FRAS1: variants seen among roughly 807,000 people sequenced by gnomAD.
FRAS1 encodes Fraser extracellular matrix complex subunit 1, also known as extracellular matrix organizing protein FRAS1.
In FRAS1, 290 loss-of-function variants were observed where a neutral mutation model predicts 435.2. The observed-to-expected ratio is 0.67, with a 90% CI of 0.61 to 0.73. FRAS1 has a LOEUF of 0.73. FRAS1 is among the 30% of genes least tolerant of loss of function. The pLI is 0.00. For synonymous variants in FRAS1, 1,800 were observed against 1,851.0 expected (o/e 0.97, Z 0.71); for missense variants, 4,860 against 5,001.5 (o/e 0.97, Z 0.85).
chr4:78,416,291 G>A (rs980404410), intron 32 of FRAS1, among the ~76,000 whole-genome samples: 5 of 152,118 alleles, frequency 3.3e-5, no homozygotes, highest in African/African-American at 7.2e-5. Context: ...GGTAGAGTGC[G>A]TGATGTGATG....
rs1739510067 is a variant in FRAS1 at position 78,057,347 on chromosome 4, T to C, written c.-663T>C. 6.6e-6 allele frequency among the ~76,000 whole-genome samples: 1 copy of C among 152,078 alleles called. No individual in the cohort carries two copies. Among genetic ancestry groups the C allele is most frequent in the African/African-American group, 2.4e-5 (1 of 41,424 alleles). Reference sequence around the variant, plus strand: ...TCTTTCCTCTGAAGCTTCCGAACAGTCTGCTTCAGGGAGCGCAGCCTGAGG... The same window carrying C: ...TCTTTCCTCTGAAGCTTCCGAACAGCCTGCTTCAGGGAGCGCAGCCTGAGG... On this transcript the variant is annotated 5_prime_UTR_variant, in exon 1 of 74. Coordinates refer to ENST00000512123, the MANE Select transcript of FRAS1 (RefSeq NM_025074.7). This position sits in a 1 kb window ranked among gnomAD's most constrained non-coding sequence, Gnocchi z 4.2.
Position 78,318,856 on chromosome 4 carries a change from C to T in FRAS1, c.2007C>T (p.His669=). 6.2e-7 allele frequency: 1 copy of T among 1,613,560 alleles called. No individual in the cohort carries two copies. The highest frequency in any genetic ancestry group is 2.2e-5 in the East Asian group (1 of 44,886). ...CLACMGPAPS[H]CTGCKKPEEG... is the part of the protein sequence containing the mutation. ...CTTGTATGGGTCCCGCACCCTCTCA[C>T]TGTACTGGGTGTAAGAAGCCAGAGG... Residue 669 remains histidine (H), a synonymous_variant, in exon 18 of 74, where the codon CAC becomes CAT. Transcript: ENST00000512123.
intron 66 of FRAS1, 22 bp downstream of exon 66, chr4:78,516,035 T>A (rs1239387980): frequency 6.3e-7 from 1 of 1,585,872 alleles, no homozygotes; most frequent in African/African-American, 1.3e-5. Context: ...GGGGCTTGTC[T>A]GAGGACTCTG....
intron 34 of FRAS1, among the ~76,000 whole-genome samples, chr4:78,423,804 T>C (rs1042367219): frequency 6.6e-6 from 1 of 152,172 alleles, no homozygotes; most frequent in Non-Finnish European, 1.5e-5. Context: ...ACCCCTATGT[T>C]ACAAGTCCTA....
intron 47 of FRAS1, among the ~76,000 whole-genome samples, chr4:78,462,386 A>G (rs1719397623): frequency 6.6e-6 from 1 of 152,178 alleles, no homozygotes; most frequent in African/African-American, 2.4e-5. Context: ...GAAAACAAAA[A>G]AAAAGAAAAA....
At chr4:78,492,527 C>G (rs541123272) in intron 59 of FRAS1, among the ~76,000 whole-genome samples, 4 of 152,176 alleles carry the variant, frequency 2.6e-5, no homozygotes, top group African/African-American at 9.6e-5. Flanking sequence ...ACAAACCTGA[C>G]AAAAATAAGC....
chr4:78,317,221 T>C, intron 16 of FRAS1, 147 bp from the exon 17 acceptor site: 1 of 856,930 alleles, frequency 1.2e-6, no homozygotes, highest in African/African-American at 1.7e-5. Context: ...GTTCTGGCAG[T>C]GTAACCACCT....
At chr4:78,341,666 G>C (rs1349216715) in intron 20 of FRAS1, among the ~76,000 whole-genome samples, 2 of 152,234 alleles carry the variant, frequency 1.3e-5, no homozygotes, top group African/African-American at 2.4e-5. Flanking sequence ...CCTCAGCCCT[G>C]GGGGGTAAGG....
intron 23 of FRAS1, 111 bp downstream of exon 23, chr4:78,370,095 G>A (rs1731441900): frequency 1.0e-6 from 1 of 978,398 alleles, no homozygotes; most frequent in Admixed American, 2.5e-5. Flanking sequence ...TATTTTGACT[G>A]TCTCTGATGA....
intron 24 of FRAS1, among the ~76,000 whole-genome samples, chr4:78,373,712 T>C (rs894154885): frequency 6.6e-6 from 1 of 151,794 alleles, no homozygotes. Context: ...GAGGCAGAGG[T>C]TGCGGTGAGC....
chr4:78,354,431 G>C (rs1461193464), intron 20 of FRAS1, among the ~76,000 whole-genome samples: 1 of 152,156 alleles, frequency 6.6e-6, no homozygotes, highest in Non-Finnish European at 1.5e-5. Flanking sequence ...CAGCTTACGG[G>C]TGGGCTGAGC....
At chr4:78,496,767 G>C in intron 59 of FRAS1, 38 bp from the exon 60 acceptor site, 1 of 1,566,010 alleles carries the variant, frequency 6.4e-7, no homozygotes, top group Non-Finnish European at 8.6e-7. Context: ...CTGATATCTT[G>C]CTGAAAATTT....
chr4:78,361,774 C>A (rs1342259824), intron 20 of FRAS1, among the ~76,000 whole-genome samples: 1 of 152,098 alleles, frequency 6.6e-6, no homozygotes, highest in Non-Finnish European at 1.5e-5. Flanking sequence ...CATTTTGGGG[C>A]CATGGGTGGT....
At chr4:78,086,914 C>A (rs1184980037) in intron 2 of FRAS1, among the ~76,000 whole-genome samples, 20 of 152,208 alleles carry the variant, frequency 1.3e-4, no homozygotes. Context: ...TCCTCCCTAA[C>A]TCATTTTATG....
chr4:78,397,330 C>G lies in FRAS1; in HGVS notation c.3976-3404C>G, dbSNP rs1049768939. ...GGTATGTCTTCTCTTGATCCTGCAC[C>G]ATCAAGCAGGGTGCTGAGAGCCTTT... On this transcript the variant is annotated intron_variant, in intron 29 of 73. Coordinates refer to ENST00000512123, the MANE Select transcript of FRAS1 (RefSeq NM_025074.7). Among the ~76,000 whole-genome samples, 3 of 152,180 alleles carry G rather than the reference C, an allele frequency of 2.0e-5. No individual in the cohort carries two copies. In the East Asian group the frequency reaches 5.8e-4, roughly 29 times the overall value.
intron 2 of FRAS1, among the ~76,000 whole-genome samples, chr4:78,127,519 G>A (rs570514034): frequency 3.9e-5 from 6 of 152,212 alleles, no homozygotes; most frequent in African/African-American, 1.2e-4. Context: ...GAAGAGGAGG[G>A]ATTTGGGAGA....
intron 29 of FRAS1, among the ~76,000 whole-genome samples, chr4:78,399,161 G>A (rs10000275): frequency 0.14 from 21,151 of 152,038 alleles, 1,832 homozygotes; most frequent in African/African-American, 0.25. Flanking sequence ...ATTTTGCCCT[G>A]AGCACCAATC....
chr4:78,231,325 T>C (rs1348641909), intron 2 of FRAS1, among the ~76,000 whole-genome samples: 1 of 151,374 alleles, frequency 6.6e-6, no homozygotes, highest in Non-Finnish European at 1.5e-5. Context: ...ATATCTTTGT[T>C]GTTGAAAAAC....
intron 72 of FRAS1, among the ~76,000 whole-genome samples, chr4:78,538,884 G>T (rs982481109): frequency 1.3e-5 from 2 of 151,818 alleles, no homozygotes. Context: ...GAACCCAGGA[G>T]GTGGAGCCAG....
Sources: allele counts gnomAD v4.1 joint callset (sites outside exome capture counted in the v4.1 genomes callset), GRCh38; gene constraint gnomAD v4.1.1; non-coding constraint Gnocchi (gnomAD v3.1); transcripts MANE v1.5; gene names NCBI Gene and HGNC (gene_info 2026-07-23, HGNC 2026-07-21).